The following TMEM178B variants were observed in gnomAD, a reference collection of about 807,000 sequenced individuals.
TMEM178B encodes transmembrane protein 178B.
Under a neutral mutation model 31.0 loss-of-function variants are expected in TMEM178B, and 5 were observed. The ratio of observed to expected loss-of-function variants is 0.16; its 90% CI spans 0.08 to 0.34. The LOEUF (loss-of-function observed/expected upper bound fraction) is 0.34. Among genes scored for constraint, TMEM178B ranks in the 10% least tolerant of loss-of-function variants. The pLI is 1.00. For synonymous variants in TMEM178B, 164 were observed against 164.0 expected (o/e 1.00, Z 0.00); for missense variants, 275 against 400.3 (o/e 0.69, Z 2.67).
intron 1 of TMEM178B, among the ~76,000 whole-genome samples, chr7:141,172,776 A>T (rs1586808515): frequency 6.6e-6 from 1 of 152,332 alleles, no homozygotes; most frequent in South Asian, 2.1e-4. Context: ...GCTGTACTTA[A>T]TTTTGTGTAA....
At position 141,344,607 on chromosome 7, in the gene TMEM178B, CCTT is replaced by C; in HGVS notation, c.497-92999_497-92997del. Among the ~76,000 whole-genome samples, 1 of 150,106 alleles carries C rather than the reference CCTT, an allele frequency of 6.7e-6. No individual in the cohort carries two copies. Among genetic ancestry groups the C allele is most frequent in the African/African-American group, 2.5e-5 (1 of 40,676 alleles). ...TCCTTCCTTCCTTCCTTCCTTCCTT[CCTT>C]CCTTCCTTCCTTCCTTCCTCCCTTC... On this transcript the variant is annotated intron_variant, in intron 2 of 3. Coordinates refer to ENST00000565468, the MANE Select transcript of TMEM178B (RefSeq NM_001195278.2). This position sits in a 1 kb window ranked among gnomAD's most constrained non-coding sequence, Gnocchi z 4.1.
chr7:141,406,351 T>C (rs997662016), intron 2 of TMEM178B, among the ~76,000 whole-genome samples: 8 of 152,184 alleles, frequency 5.3e-5, no homozygotes, highest in Non-Finnish European at 1.0e-4. Context: ...GTTCCCTGCC[T>C]TCCATCTTGA....
chr7:141,158,156 C>T (rs1250408058), intron 1 of TMEM178B, among the ~76,000 whole-genome samples: 1 of 152,140 alleles, frequency 6.6e-6, no homozygotes, highest in Non-Finnish European at 1.5e-5. Flanking sequence ...AGTGCAGTGG[C>T]GCAATCTCGG....
chr7:141,418,826 A>C (rs888389402), intron 2 of TMEM178B, among the ~76,000 whole-genome samples: 1 of 152,194 alleles, frequency 6.6e-6, no homozygotes, highest in Non-Finnish European at 1.5e-5. Context: ...GGCATTTCCA[A>C]TTAGGTGTGT....
chr7:141,302,406 G>C (rs1175586833), intron 2 of TMEM178B, among the ~76,000 whole-genome samples: 1 of 152,184 alleles, frequency 6.6e-6, no homozygotes, highest in Non-Finnish European at 1.5e-5. Flanking sequence ...AGTTATATGA[G>C]TAGTCAAATT....
chr7:141,093,310 G>C (rs1197467297), intron 1 of TMEM178B, among the ~76,000 whole-genome samples: 1 of 152,192 alleles, frequency 6.6e-6, no homozygotes, highest in East Asian at 1.9e-4. Flanking sequence ...ATGAGAAAAA[G>C]AAGTCAAAGA....
intron 2 of TMEM178B, among the ~76,000 whole-genome samples, chr7:141,328,581 C>G (rs2116486449): frequency 6.6e-6 from 1 of 152,288 alleles, no homozygotes; most frequent in East Asian, 1.9e-4. Context: ...CCTGTGAGTC[C>G]TCGCACTGGT....
chr7:141,401,868 C>T (rs1332995405), intron 2 of TMEM178B, among the ~76,000 whole-genome samples: 1 of 152,114 alleles, frequency 6.6e-6, no homozygotes, highest in African/African-American at 2.4e-5. Flanking sequence ...TAGCAAAAAT[C>T]GAACCAACGT....
In TMEM178B at chr7:141,470,781, T is replaced by A; in HGVS notation, c.880T>A (p.Cys294Ser). The A allele has an allele frequency of 6.7e-7, 1 of 1,491,908 alleles. No homozygotes were observed. Among genetic ancestry groups the A allele is most frequent in the Non-Finnish European group, 8.9e-7 (1 of 1,126,272 alleles). The allele number at this position is 1,491,908 out of a possible 1,614,324, so 92.4% of individuals were successfully genotyped here. Reference protein sequence around the residue: ...PKSRPENGTVC With the variant: ...PKSRPENGTVS Reference sequence around the variant, plus strand: ...ATCCAGACCCGAGAATGGGACAGTGTGCTAAAAAACAAACCCATACATACA... The same window carrying A: ...ATCCAGACCCGAGAATGGGACAGTGAGCTAAAAAACAAACCCATACATACA... The change falls in exon 4 of 4, where the codon TGC becomes AGC. Residue 294 changes from cysteine to serine, a missense_variant. Physicochemically the swap from Cys to Ser is moderately radical, Grantham distance 112. Transcript: ENST00000565468.
chr7:141,434,346 C>A (rs964445353), intron 2 of TMEM178B, among the ~76,000 whole-genome samples: 5 of 152,200 alleles, frequency 3.3e-5, no homozygotes, highest in African/African-American at 1.2e-4. Context: ...GACAGCTGGG[C>A]CTCCAGCAAG....
At chr7:141,290,741 C>T (rs1016360035) in intron 2 of TMEM178B, among the ~76,000 whole-genome samples, 8 of 152,200 alleles carry the variant, frequency 5.3e-5, no homozygotes, top group African/African-American at 1.7e-4. Flanking sequence ...CTGCCCCTTT[C>T]GGCCTCTCCT....
chr7:141,336,231 G>A (rs59232884), intron 2 of TMEM178B, among the ~76,000 whole-genome samples: 12,133 of 152,026 alleles, frequency 0.08, 1,038 homozygotes, highest in African/African-American at 0.22. Flanking sequence ...GTACTTCCAG[G>A]CTTCTCTACT....
At chr7:141,275,247 T>C (rs1798247452) in intron 2 of TMEM178B, among the ~76,000 whole-genome samples, 1 of 152,190 alleles carries the variant, frequency 6.6e-6, no homozygotes, top group Non-Finnish European at 1.5e-5. Flanking sequence ...CAGCACTGTC[T>C]TGGGAACTGG....
At chr7:141,495,276 CAAA>C in the TMEM178B span, among the ~76,000 whole-genome samples, 1 of 152,148 alleles carries the variant, frequency 6.6e-6, no homozygotes, top group African/African-American at 2.4e-5. Flanking sequence ...ACTAGGTTGC[CAAA>C]AATATGCCCA....
intron 2 of TMEM178B, among the ~76,000 whole-genome samples, chr7:141,290,930 T>C (rs1263995101): frequency 6.6e-6 from 1 of 152,206 alleles, no homozygotes; most frequent in Non-Finnish European, 1.5e-5. Flanking sequence ...ATAAAGTGGT[T>C]ACTCACTCAA....
At chr7:141,443,092 A>C (rs1334715715) in intron 3 of TMEM178B, among the ~76,000 whole-genome samples, 1 of 152,124 alleles carries the variant, frequency 6.6e-6, no homozygotes, top group Non-Finnish European at 1.5e-5. Context: ...TCCATCTCTG[A>C]CCTCTAGACC....
chr7:141,420,629 G>A (rs1366641433), intron 2 of TMEM178B, among the ~76,000 whole-genome samples: 2 of 152,122 alleles, frequency 1.3e-5, no homozygotes, highest in Non-Finnish European at 2.9e-5. Context: ...AACAGGAGAG[G>A]GAATGAGTGG....
chr7:141,411,053 A>G (rs944893273), intron 2 of TMEM178B, among the ~76,000 whole-genome samples: 4 of 152,030 alleles, frequency 2.6e-5, no homozygotes, highest in African/African-American at 9.7e-5. Context: ...TTGCCATTTT[A>G]CTCGAATAAA....
chr7:141,394,574 A>G (rs1800603211), intron 2 of TMEM178B, among the ~76,000 whole-genome samples: 1 of 152,220 alleles, frequency 6.6e-6, no homozygotes, highest in Admixed American at 6.5e-5. Context: ...ATCTTCCACA[A>G]TGCATGAGAA....
Sources: allele counts gnomAD v4.1 joint callset (sites outside exome capture counted in the v4.1 genomes callset), GRCh38; gene constraint gnomAD v4.1.1; non-coding constraint Gnocchi (gnomAD v3.1); transcripts MANE v1.5; gene names NCBI Gene and HGNC (gene_info 2026-07-23, HGNC 2026-07-21).